Variants in ABL2 observed in about 807,000 individuals in gnomAD.
ABL2 encodes the protein ABL proto-oncogene 2, non-receptor tyrosine kinase.
A neutral mutation model predicts 107.7 loss-of-function variants in ABL2; 49 were observed. That is an observed-to-expected ratio of 0.45 (90% CI 0.36 to 0.58). The LOEUF (loss-of-function observed/expected upper bound fraction) is 0.58. ABL2 is among the 20% of genes least tolerant of loss of function. The probability of loss-of-function intolerance (pLI) is 0.00; values close to 1 mark genes in which losing one functional copy is unlikely to be tolerated. For synonymous variants in ABL2, 549 were observed against 548.6 expected (o/e 1.00, Z -0.01); for missense variants, 1,245 against 1,457.0 (o/e 0.85, Z 2.37).
chr1:179,108,302 C>G lies in ABL2; in HGVS notation c.2965G>C (p.Val989Leu), dbSNP rs757570792. ...KPKCAPPPPP[V>L]MRLLQHPSIC... ...GACGGATGCTGCAGTAGTCTCATCA[C>G]TGGTGGTGGGGGTGGGGCACACTTT... is the stretch of plus-strand genomic sequence containing the variant. Residue 989 changes from valine to leucine, a missense_variant, in exon 12 of 12, where the codon GTG becomes CTG. By Grantham distance (32) the Val-to-Leu change is conservative. Around this residue, in one of 3 missense-constraint regions of ABL2, gnomAD observed 761 missense variants for 766.4 expected, o/e 0.99. Transcript: ENST00000502732. 5.0e-6 allele frequency: 8 copies of G among 1,613,786 alleles called. No individual in the cohort carries two copies. The South Asian group carries it at 8.8e-5, about 18-fold the overall frequency.
Position 179,107,724 on chromosome 1 carries a change from C to T in ABL2, c.3543G>A (p.Gln1181=). Residue 1181 remains glutamine, a synonymous_variant, in exon 12 of 12, where the codon CAG becomes CAA. Transcript: ENST00000502732. Reference sequence around the variant, plus strand: ...CCCACCAGGCTAACAGTGGCTACCTCTGCACCACATCACTGATTTCCTGTA... The same window carrying T: ...CCCACCAGGCTAACAGTGGCTACCTTTGCACCACATCACTGATTTCCTGTA... ...SCVQEISDVV[Q]R 1.2e-6 allele frequency: 2 copies of T among 1,605,934 alleles called. No individual in the cohort carries two copies. The highest frequency in any genetic ancestry group is 1.7e-6 in the Non-Finnish European group (2 of 1,174,518).
At chr1:179,217,275 T>C (rs1417817827) in intron 1 of ABL2, among the ~76,000 whole-genome samples, 6 of 151,500 alleles carry the variant, frequency 4.0e-5, no homozygotes, top group Non-Finnish European at 2.9e-5. Flanking sequence ...GATGGCACCA[T>C]TGCACTCCAG....
chr1:179,147,555 T>C (rs1335499646), intron 1 of ABL2, among the ~76,000 whole-genome samples: 1 of 152,196 alleles, frequency 6.6e-6, no homozygotes, highest in Non-Finnish European at 1.5e-5. Flanking sequence ...TAAAATCATG[T>C]ATTTTGCAGC....
intron 1 of ABL2, among the ~76,000 whole-genome samples, chr1:179,217,974 T>C (rs1186270525): frequency 3.3e-5 from 5 of 152,150 alleles, no homozygotes; most frequent in Non-Finnish European, 5.9e-5. Context: ...AGACATCCCA[T>C]CTTCTTTGGT....
chr1:179,126,536 T>G lies in ABL2; in HGVS notation c.528A>C (p.Gly176=). ...ACTCAGCTGCACTGCGTGACACAGG[T>G]CCATGGTACCAGGAGTGTTTTTCCA... ...NSLEKHSWYH[G]PVSRSAAEYL... Residue 176 remains glycine, a synonymous_variant, in exon 4 of 12, where the codon GGA becomes GGC. Coordinates refer to ENST00000502732, the MANE Select transcript of ABL2 (RefSeq NM_007314.4). The surrounding 1 kb of genome is among the most constrained non-coding windows in gnomAD (Gnocchi z 4.4). 1 of 1,614,160 alleles carries G rather than the reference T, an allele frequency of 6.2e-7. No individual in the cohort carries two copies. The highest frequency in any genetic ancestry group is 8.5e-7 in the Non-Finnish European group (1 of 1,180,026).
chr1:179,223,867 C>A (rs150339604), intron 1 of ABL2, among the ~76,000 whole-genome samples: 1 of 151,068 alleles, frequency 6.6e-6, no homozygotes. Flanking sequence ...GTGGCTCACA[C>A]CTGTAATCTC....
chr1:179,132,669 A>G (rs1269567296), intron 2 of ABL2, among the ~76,000 whole-genome samples: 1 of 151,018 alleles, frequency 6.6e-6, no homozygotes, highest in Non-Finnish European at 1.5e-5. Flanking sequence ...CCTCCCAAGT[A>G]GCTGGGATTA....
intron 1 of ABL2, among the ~76,000 whole-genome samples, chr1:179,141,906 G>A (rs1427233388): frequency 6.6e-6 from 1 of 152,226 alleles, no homozygotes; most frequent in Non-Finnish European, 1.5e-5. Flanking sequence ...GGAACTAAAT[G>A]AGGGGGAACA....
chr1:179,182,192 T>C (rs770972224), intron 1 of ABL2, among the ~76,000 whole-genome samples: 1 of 152,008 alleles, frequency 6.6e-6, no homozygotes, highest in Non-Finnish European at 1.5e-5. Context: ...TATAATCACT[T>C]GCTCCTCTCT....
chr1:179,104,046 G>T lies in ABL2; in HGVS notation c.*3672C>A, dbSNP rs1348089356. The T allele has an allele frequency of 1.3e-5, 3 of 233,044 alleles. No homozygotes were observed. The highest frequency in any genetic ancestry group is 5.6e-5 in the Admixed American group (1 of 17,750). The allele number at this position is 233,044 out of a possible 1,614,324, so 14.4% of individuals were successfully genotyped here. A position where few individuals can be genotyped will look rare whatever the true frequency, so the allele number is the denominator to read the frequency against. On this transcript the variant is annotated 3_prime_UTR_variant, in exon 12 of 12. Transcript: ENST00000502732. ...TGGGGCTATTCCGTCAGTTTTTTTT[G>T]TTTGTTTTGTTTTGTTTTTTAACCC...
At position 179,121,809 on chromosome 1, in the gene ABL2, G is replaced by A. The variant is rs766804361; in HGVS notation, c.746C>T (p.Ser249Phe). 21 of 1,614,006 alleles carry A rather than the reference G, an allele frequency of 1.3e-5. No homozygotes were observed. In the Middle Eastern group the frequency reaches 1.6e-3, roughly 127 times the overall value. ...STLAELVHHH[S>F]TVADGLVTTL... ...TGTCACCAGCCCATCAGCCACTGTG[G>A]AGTGATGGTGTACAAGCTCTGCCAA... The change falls in exon 5 of 12, where the codon TCC (serine) becomes TTC (phenylalanine). Residue 249 changes from serine to phenylalanine, a missense_variant. This residue lies in a region of ABL2 where 320 missense variants were observed against 547.0 expected (regional missense o/e 0.59). Transcript: ENST00000502732.
intron 1 of ABL2, among the ~76,000 whole-genome samples, chr1:179,167,921 A>G (rs1426646220): frequency 6.6e-6 from 1 of 152,096 alleles, no homozygotes; most frequent in Non-Finnish European, 1.5e-5. Flanking sequence ...AGAGGTTGCA[A>G]TGAGCCGAGA....
At chr1:179,167,798 G>A (rs887702638) in intron 1 of ABL2, among the ~76,000 whole-genome samples, 12 of 152,168 alleles carry the variant, frequency 7.9e-5, no homozygotes, top group African/African-American at 2.9e-4. Flanking sequence ...TGGCCAACAT[G>A]GCAAAACTCA....
At position 179,100,326 on chromosome 1, in the gene ABL2, A is replaced by G. The variant is rs550898505; in HGVS notation, c.*7392T>C. 4.4e-6 allele frequency: 1 copy of G among 227,992 alleles called. No individual in the cohort carries two copies. The highest frequency in any genetic ancestry group is 1.8e-4 in the South Asian group (1 of 5,490). 14.1% of individuals were successfully genotyped at this position (227,992 alleles called of 1,614,324 possible). A position where few individuals can be genotyped will look rare whatever the true frequency, so the allele number is the denominator to read the frequency against. The stretch of plus-strand genomic sequence containing the variant: ...GTTCTTGCCACTCACAATACCTGGT[A>G]TGGTACTTCTGAACTGTGCAGAACA... On this transcript the variant is annotated 3_prime_UTR_variant, in exon 12 of 12. Coordinates refer to ENST00000502732, the MANE Select transcript of ABL2 (RefSeq NM_007314.4).
intron 1 of ABL2, among the ~76,000 whole-genome samples, chr1:179,163,954 A>T (rs1393879705): frequency 6.6e-6 from 1 of 152,276 alleles, no homozygotes; most frequent in East Asian, 1.9e-4. Context: ...ATCTCAAAAG[A>T]TCTCATACTA....
chr1:179,181,946 AT>A (rs34828452), intron 1 of ABL2, among the ~76,000 whole-genome samples: 4,212 of 91,090 alleles, frequency 0.046, 67 homozygotes, highest in African/African-American at 0.11. Flanking sequence ...AGGCCCGGCT[AT>A]TTTTTTTTTT....
intron 1 of ABL2, among the ~76,000 whole-genome samples, chr1:179,206,688 T>G (rs1358467464): frequency 6.6e-6 from 1 of 152,174 alleles, no homozygotes; most frequent in Non-Finnish European, 1.5e-5. Flanking sequence ...TGCCAAAATT[T>G]GGGTGGCTGA....
chr1:179,152,833 A>G (rs1182583136), intron 1 of ABL2, among the ~76,000 whole-genome samples: 1 of 152,238 alleles, frequency 6.6e-6, no homozygotes, highest in Non-Finnish European at 1.5e-5. Context: ...CAGAATGGAG[A>G]ACAGACAGAT....
chr1:179,108,058 C>G lies in ABL2; in HGVS notation c.3209G>C (p.Arg1070Thr). The G allele has an allele frequency of 6.2e-7, 1 of 1,614,216 alleles. No individual in the cohort carries two copies. Among genetic ancestry groups the G allele is most frequent in the South Asian group, 1.1e-5 (1 of 91,086 alleles). ...TTTCTCAGCGGCCTGTTTGGTTTTT[C>G]TCAGAGCCACTTTAGTACCTGCTGT... ...NGTAGTKVAL[R>T]KTKQAAEKIS... The change falls in exon 12 of 12, where the codon AGA becomes ACA. Residue 1070 changes from arginine to threonine, a missense_variant. By Grantham distance (71) the Arg-to-Thr change is moderately conservative (BLOSUM62 -1). Coordinates refer to ENST00000502732, the MANE Select transcript of ABL2 (RefSeq NM_007314.4).
Sources: gnomAD v4.1 joint callset for allele counts (sites outside exome capture counted in the v4.1 genomes callset) on GRCh38, gnomAD v4.1.1 for gene constraint, gnomAD v4.1.1 regional missense constraint, Gnocchi (gnomAD v3.1) non-coding constraint, MANE v1.5 for transcripts, NCBI Gene and HGNC (gene_info 2026-07-23, HGNC 2026-07-21) for gene names.